ISG20L2: variants seen among roughly 807,000 people sequenced by gnomAD.
ISG20L2 encodes interferon-stimulated 20 kDa exonuclease-like 2.
Under a neutral mutation model 27.8 loss-of-function variants are expected in ISG20L2, and 14 were observed. That is an observed-to-expected ratio of 0.50 (90% confidence interval 0.33 to 0.79). The LOEUF is 0.79. ISG20L2 is among the 30% of genes least tolerant of loss of function. ISG20L2 has a pLI of 0.02. For synonymous variants in ISG20L2, 157 were observed against 165.7 expected, an observed-to-expected ratio of 0.95 and a Z score of 0.40; for missense variants, 393 against 435.1, an observed-to-expected ratio of 0.90 and a Z score of 0.86.
At chr1:156,726,826 T>C (rs1200254646) in intron 2 of ISG20L2, 80 bp downstream of exon 2, 1 of 1,533,622 alleles carries the variant, frequency 6.5e-7, no homozygotes, top group African/African-American at 1.4e-5. Flanking sequence ...TGTCTTCCCA[T>C]AGTGATATCC....
rs1047688802 is a variant in ISG20L2 at position 156,723,391 on chromosome 1, G to A, written c.1020C>T (p.Val340=). ...ATMELYKLVE[V]EWEEHLARNP... ...TCCGGGCTAGGTGCTCTTCCCACTCGACTTCAACCAACTTATATAGCTCCA... is the reference window on the plus strand; with the variant it reads ...TCCGGGCTAGGTGCTCTTCCCACTCAACTTCAACCAACTTATATAGCTCCA... The change falls in exon 4 of 4, where the codon GTC becomes GTT. Residue 340 remains valine, a synonymous_variant. Transcript: ENST00000368219. 2.5e-6 allele frequency: 4 copies of A among 1,614,022 alleles called. No homozygotes were observed. The highest frequency in any genetic ancestry group is 2.7e-5 in the African/African-American group (2 of 74,976).
At chr1:156,724,544 G>A in intron 2 of ISG20L2, 196 bp from the exon 3 acceptor site, 2 of 1,394,592 alleles carry the variant, frequency 1.4e-6, no homozygotes, top group Non-Finnish European at 1.9e-6. Flanking sequence ...GATTTCCATG[G>A]TATACCCTGT....
At position 156,728,627 on chromosome 1, in the gene ISG20L2, T is replaced by TGGGGG; in HGVS notation, c.-335_-331dup. 3.9e-6 allele frequency: 1 copy of TGGGGG among 258,626 alleles called. No individual in the cohort carries two copies. Among genetic ancestry groups the TGGGGG allele is most frequent in the Non-Finnish European group, 5.2e-6 (1 of 193,968 alleles). The allele number at this position is 258,626 out of a possible 1,614,324, so 16.0% of individuals were successfully genotyped here. A position where few individuals can be genotyped will look rare whatever the true frequency, so the allele number is the denominator to read the frequency against. On this transcript the variant is annotated 5_prime_UTR_variant, in exon 1 of 4. Transcript: ENST00000368219. Reference sequence around the variant, plus strand: ...GCGGCGGAGGAGGGGGCGGCGTGGGTGGGGGCGGGGGCGGGATGCGCTCCC... The same window carrying TGGGGG: ...GCGGCGGAGGAGGGGGCGGCGTGGGTGGGGGGGGGGCGGGGGCGGGATGCGCTCCC...
chr1:156,723,918 G>A (rs1235615578), intron 3 of ISG20L2: 1 of 1,338,236 alleles, frequency 7.5e-7, no homozygotes, highest in African/African-American at 1.5e-5. Flanking sequence ...TTCTTCCTTA[G>A]TTAGGGTTTT....
In ISG20L2 at chr1:156,723,167, C is replaced by A; in HGVS notation, c.*182G>T. On this transcript the variant is annotated 3_prime_UTR_variant, in exon 4 of 4. Coordinates refer to ENST00000368219, the MANE Select transcript of ISG20L2 (RefSeq NM_001370150.2). Reference sequence around the variant, plus strand: ...TTTCCCCTTCCATGGGACACTTAACCAGACACAGGACACAACACCTGAGGT... The same window carrying A: ...TTTCCCCTTCCATGGGACACTTAACAAGACACAGGACACAACACCTGAGGT... 1 of 710,878 alleles carries A rather than the reference C, an allele frequency of 1.4e-6. No homozygotes were observed. The highest frequency in any genetic ancestry group is 2.3e-6 in the Non-Finnish European group (1 of 433,140). 44.0% of individuals were successfully genotyped at this position (710,878 alleles called of 1,614,324 possible). A position where few individuals can be genotyped will look rare whatever the true frequency, so the allele number is the denominator to read the frequency against.
rs1430420734 is a variant in ISG20L2 at position 156,727,346 on chromosome 1, G to A, written c.307C>T (p.Pro103Ser). The change falls in exon 2 of 4, where the codon CCT becomes TCT. Residue 103 changes from proline to serine, a missense_variant. Pro to Ser is a moderately conservative substitution (Grantham distance 74, BLOSUM62 -1). This residue lies in a region of ISG20L2 where 183 missense variants were observed against 168.2 expected (regional missense o/e 1.09). Coordinates refer to ENST00000368219, the MANE Select transcript of ISG20L2 (RefSeq NM_001370150.2). ...GAATCAGCCTTTTTTGAAGGGGCAGGGGTCAACCAAGACACTGCAGCTTTC... is the reference window on the plus strand; with the variant it reads ...GAATCAGCCTTTTTTGAAGGGGCAGAGGTCAACCAAGACACTGCAGCTTTC... ...DKKAAVSWLT[P>S]APSKKADSVA... The A allele has an allele frequency of 6.2e-7, 1 of 1,614,028 alleles. No individual in the cohort carries two copies. Among genetic ancestry groups the A allele is most frequent in the African/African-American group, 1.3e-5 (1 of 74,896 alleles).
rs1648952086 is a variant in ISG20L2 at position 156,728,752 on chromosome 1, AGAG to A, written c.-458_-456del. The stretch of plus-strand genomic sequence containing the variant: ...GGACACCTCCGGCTTCACTTCCGTA[AGAG>A]GAGAGGAGTGTACGGCAAGGGGCGG... On this transcript the variant is annotated 5_prime_UTR_variant, in exon 1 of 4. Coordinates refer to ENST00000368219, the MANE Select transcript of ISG20L2 (RefSeq NM_001370150.2). The A allele has an allele frequency of 2.0e-6, 2 of 1,017,378 alleles. No individual in the cohort carries two copies. Among genetic ancestry groups the A allele is most frequent in the Non-Finnish European group, 2.4e-6 (2 of 849,890 alleles). 63.0% of individuals were successfully genotyped at this position (1,017,378 alleles called of 1,614,324 possible). A position where few individuals can be genotyped will look rare whatever the true frequency, so the allele number is the denominator to read the frequency against.
intron 3 of ISG20L2, 146 bp from the exon 4 acceptor site, chr1:156,723,608 G>C: frequency 3.4e-6 from 5 of 1,456,060 alleles, no homozygotes; most frequent in Non-Finnish European, 1.8e-6. Flanking sequence ...TTCTGGTGGG[G>C]TCCTACTCCT....
At position 156,727,101 on chromosome 1, in the gene ISG20L2, ACAGT is replaced by A. The variant is rs1397940378; in HGVS notation, c.548_551del (p.Asp183ValfsTer55). ...CCTTTGGTCCTGTGCCCACCATCTC[ACAGT>A]CAATTGCCACCATCTTCCGTGGCAA... On this transcript the variant is annotated frameshift_variant, in exon 2 of 4. Coordinates refer to ENST00000368219, the MANE Select transcript of ISG20L2 (RefSeq NM_001370150.2). LOFTEE classifies it high-confidence loss of function. 6.2e-7 allele frequency: 1 copy of A among 1,613,478 alleles called. No homozygotes were observed. Among genetic ancestry groups the A allele is most frequent in the Non-Finnish European group, 8.5e-7 (1 of 1,179,440 alleles).
rs140343639 is a variant in ISG20L2 at position 156,727,559 on chromosome 1, G to A, written c.94C>T (p.Arg32Trp). The A allele has an allele frequency of 3.7e-6, 6 of 1,614,180 alleles. No individual in the cohort carries two copies. The highest frequency in any genetic ancestry group is 3.3e-5 in the South Asian group (3 of 91,088). The change falls in exon 2 of 4, where the codon CGG becomes TGG. Residue 32 changes from arginine to tryptophan, a missense_variant. This residue lies in a region of ISG20L2 where 183 missense variants were observed against 168.2 expected (regional missense o/e 1.09). Coordinates refer to ENST00000368219, the MANE Select transcript of ISG20L2 (RefSeq NM_001370150.2). ...AAGCCTCTCCGTTCTAAGAGCCTCC[G>A]CTTCTTGACAAAATTTCGGTGCTTG... ...NAKHRNFVKK[R>W]RLLERRGFLS... is the part of the protein sequence containing the mutation.
intron 2 of ISG20L2, chr1:156,725,143 A>C (rs185476575): frequency 6.6e-6 from 1 of 152,038 alleles, no homozygotes; most frequent in Non-Finnish European, 1.5e-5. Flanking sequence ...GTAGAGACGG[A>C]GTTTCACCAT....
intron 2 of ISG20L2, chr1:156,726,039 ACT>A (rs1407113902): frequency 1.0e-6 from 1 of 984,034 alleles, no homozygotes; most frequent in Admixed American, 6.2e-5. Flanking sequence ...CTCCCAGCTC[ACT>A]CTCCTTTCCG....
chr1:156,724,043 C>T (rs1571492466), intron 3 of ISG20L2, 105 bp downstream of exon 3: 2 of 1,185,558 alleles, frequency 1.7e-6, no homozygotes, highest in East Asian at 4.7e-5. Context: ...CACAGCAGCC[C>T]ACCTGGATCT....
rs1438012698 is a variant in ISG20L2, at chr1:156,727,551, G to A, written c.102C>T (p.Leu34=). ...KHRNFVKKRR[L]LERRGFLSKK... ...TACTCAGAAAGCCTCTCCGTTCTAA[G>A]AGCCTCCGCTTCTTGACAAAATTTC... Residue 34 remains leucine (L), a synonymous_variant, in exon 2 of 4, where the codon CTC becomes CTT. Coordinates refer to ENST00000368219, the MANE Select transcript of ISG20L2 (RefSeq NM_001370150.2). 2.5e-6 allele frequency: 4 copies of A among 1,614,070 alleles called. No homozygotes were observed. In the South Asian group the frequency reaches 3.3e-5, roughly 13 times the overall value.
In ISG20L2 at chr1:156,723,343, C is replaced by G. The variant is rs1133856; in HGVS notation, c.*6G>C. On this transcript the variant is annotated 3_prime_UTR_variant, in exon 4 of 4. Coordinates refer to ENST00000368219, the MANE Select transcript of ISG20L2 (RefSeq NM_001370150.2). The stretch of plus-strand genomic sequence containing the variant: ...CCTCCTCATATCACCAGCGTCCCCA[C>G]TGCCACTAGTCTGTAGGGGGATTCC... 6 of 1,614,016 alleles carry G rather than the reference C, an allele frequency of 3.7e-6. No homozygotes were observed. The African/African-American group carries it at 8.0e-5, about 22-fold the overall frequency.
intron 2 of ISG20L2, chr1:156,724,685 A>G (rs1365923321): frequency 3.8e-6 from 4 of 1,049,184 alleles, no homozygotes; most frequent in African/African-American, 1.7e-5. Flanking sequence ...GGCTTGCTAC[A>G]TGAAGTCCTT....
intron 2 of ISG20L2, 115 bp downstream of exon 2, chr1:156,726,791 T>TCCTC (rs1648786145): frequency 6.7e-7 from 1 of 1,494,578 alleles, no homozygotes; most frequent in South Asian, 1.4e-5. Flanking sequence ...TGATAGATTC[T>TCCTC]CCTCCCTCCC....
chr1:156,723,404 T>C lies in ISG20L2; in HGVS notation c.1007A>G (p.Lys336Arg). Residue 336 changes from lysine to arginine, a missense_variant, in exon 4 of 4, where the codon AAG (lysine) becomes AGG (arginine). Coordinates refer to ENST00000368219, the MANE Select transcript of ISG20L2 (RefSeq NM_001370150.2). ...EDAQATMELY[K>R]LVEVEWEEHL... is the part of the protein sequence containing the mutation. ...CTCTTCCCACTCGACTTCAACCAAC[T>C]TATATAGCTCCATGGTGGCCTGGGC... 1 of 1,614,144 alleles carries C rather than the reference T, an allele frequency of 6.2e-7. No homozygotes were observed. The highest frequency in any genetic ancestry group is 8.5e-7 in the Non-Finnish European group (1 of 1,180,022).
At chr1:156,725,597 T>A (rs1436813143) in intron 2 of ISG20L2, 1 of 152,466 alleles carries the variant, frequency 6.6e-6, no homozygotes, top group Non-Finnish European at 1.5e-5. Context: ...AGCTTGGCAC[T>A]GGGGAAGTGC....
Sources: gnomAD v4.1 joint callset for allele counts on GRCh38, gnomAD v4.1.1 for gene constraint, gnomAD v4.1.1 regional missense constraint, MANE v1.5 for transcripts, NCBI Gene and HGNC (gene_info 2026-07-23, HGNC 2026-07-21) for gene names.